TBX15: variants seen among roughly 807,000 people sequenced by gnomAD.
The protein encoded by TBX15 is T-box transcription factor TBX15.
In TBX15, 18 loss-of-function variants were observed where a neutral mutation model predicts 53.9. The observed-to-expected ratio is 0.33, with a 90% CI of 0.23 to 0.49. The LOEUF (loss-of-function observed/expected upper bound fraction) is 0.49, where lower values mean the gene tolerates loss of function less well. Among genes scored for constraint, TBX15 ranks in the 20% least tolerant of loss-of-function variants. The pLI is 0.98. For synonymous variants in TBX15, 295 were observed against 278.0 expected, an observed-to-expected ratio of 1.06 and a Z score of -0.61; for missense variants, 692 against 749.5, an observed-to-expected ratio of 0.92 and a Z score of 0.90.
chr1:118,971,830 G>A (rs1222015221), intron 1 of TBX15, among the ~76,000 whole-genome samples: 1 of 152,140 alleles, frequency 6.6e-6, no homozygotes, highest in Non-Finnish European at 1.5e-5. Context: ...CAATCTAATA[G>A]GGCAAAAGGA....
rs566437980 is a variant in TBX15, at chr1:118,921,595, G to A, written c.861+1841C>T. The stretch of plus-strand genomic sequence containing the variant: ...TTGCTCAGAGCAACATGTGTAACTC[G>A]TAGAAAATTTAAGACTAAAACCCAG... On this transcript the variant is annotated intron_variant, in intron 5 of 7. Transcript: ENST00000369429. 7.9e-5 allele frequency among the ~76,000 whole-genome samples: 12 copies of A among 152,296 alleles called. No individual in the cohort carries two copies. The South Asian group carries it at 8.3e-4, about 11-fold the overall frequency.
chr1:118,900,622 G>A (rs1173042698), intron 6 of TBX15, among the ~76,000 whole-genome samples: 2 of 152,168 alleles, frequency 1.3e-5, no homozygotes, highest in Non-Finnish European at 2.9e-5. Flanking sequence ...GTGTTACATG[G>A]TGTTTATTAG....
At chr1:118,966,533 C>T (rs1016898882) in intron 1 of TBX15, among the ~76,000 whole-genome samples, 1 of 152,220 alleles carries the variant, frequency 6.6e-6, no homozygotes, top group East Asian at 1.9e-4. Flanking sequence ...AAATGGTATT[C>T]GGCCTGCCTC....
At chr1:118,959,203 C>T (rs1656787344) in intron 1 of TBX15, among the ~76,000 whole-genome samples, 2 of 152,150 alleles carry the variant, frequency 1.3e-5, no homozygotes, top group South Asian at 4.1e-4. Flanking sequence ...GTGCTAGATA[C>T]CTCCCACATT....
intron 7 of TBX15, among the ~76,000 whole-genome samples, chr1:118,886,301 A>G (rs1433845047): frequency 6.6e-6 from 1 of 152,208 alleles, no homozygotes; most frequent in Non-Finnish European, 1.5e-5. Flanking sequence ...TTTAATATTT[A>G]TCAGAACAAG....
At chr1:118,892,970 T>A (rs781296025) in intron 7 of TBX15, among the ~76,000 whole-genome samples, 2 of 152,064 alleles carry the variant, frequency 1.3e-5, no homozygotes, top group Admixed American at 6.6e-5. Context: ...TGGTGACTCA[T>A]GCCTGTAATC....
At chr1:118,981,445 T>G (rs934077430) in intron 1 of TBX15, among the ~76,000 whole-genome samples, 11 of 152,238 alleles carry the variant, frequency 7.2e-5, no homozygotes, top group Admixed American at 7.2e-4. Context: ...CATAAGTTTG[T>G]GTATAAGCAC....
chr1:118,920,011 A>G (rs1655369338), intron 5 of TBX15, among the ~76,000 whole-genome samples: 2 of 152,226 alleles, frequency 1.3e-5, no homozygotes, highest in South Asian at 4.1e-4. Context: ...TTCTCCATAG[A>G]CTAGTACTGA....
chr1:118,961,490 A>T (rs1487773345), intron 1 of TBX15, among the ~76,000 whole-genome samples: 1 of 152,190 alleles, frequency 6.6e-6, no homozygotes, highest in Non-Finnish European at 1.5e-5. Context: ...GGGAAGGGAG[A>T]TGTCAGAAGA....
At chr1:118,966,216 T>G (rs1490508378) in intron 1 of TBX15, among the ~76,000 whole-genome samples, 1 of 152,230 alleles carries the variant, frequency 6.6e-6, no homozygotes, top group Non-Finnish European at 1.5e-5. Context: ...ACCAATCTTG[T>G]GACTTTGAGG....
intron 1 of TBX15, among the ~76,000 whole-genome samples, chr1:118,946,330 A>T (rs1656346641): frequency 6.6e-6 from 1 of 152,156 alleles, no homozygotes; most frequent in South Asian, 2.1e-4. Flanking sequence ...GTCAATGGAC[A>T]AGCTTTGGAG....
At chr1:118,893,432 GGAAGGAAGGAAGGAAA>G (rs1202997697) in intron 7 of TBX15, among the ~76,000 whole-genome samples, 3 of 131,156 alleles carry the variant, frequency 2.3e-5, no homozygotes, top group Non-Finnish European at 3.2e-5. Context: ...AAAGATGGAA[GGAAGGAAGGAAGGAAA>G]GAAGGAAGGA....
At chr1:118,946,351 C>T (rs998633632) in intron 1 of TBX15, among the ~76,000 whole-genome samples, 2 of 152,074 alleles carry the variant, frequency 1.3e-5, no homozygotes, top group Admixed American at 6.6e-5. Context: ...GTTTACAAGT[C>T]ACCTAAAATG....
intron 6 of TBX15, among the ~76,000 whole-genome samples, chr1:118,912,624 G>T (rs1432861702): frequency 6.6e-6 from 1 of 151,840 alleles, no homozygotes; most frequent in Non-Finnish European, 1.5e-5. Flanking sequence ...CAGAACCTTG[G>T]AAAAAAAGGC....
In TBX15 at chr1:118,885,206, G is replaced by A; in HGVS notation, c.1335C>T (p.Ser445=). Residue 445 remains serine, a synonymous_variant, in exon 8 of 8, where the codon TCC becomes TCT. Transcript: ENST00000369429. ...SETFMPQRTP[S]LISGIPTPPS... is the part of the protein sequence containing the mutation. The stretch of plus-strand genomic sequence containing the variant: ...GAGGAGTTGGTATTCCTGAGATCAG[G>A]GATGGAGTCCTCTGAGGCATGAAGG... The A allele has an allele frequency of 6.2e-7, 1 of 1,614,186 alleles. No individual in the cohort carries two copies. The highest frequency in any genetic ancestry group is 8.5e-7 in the Non-Finnish European group (1 of 1,180,030).
intron 5 of TBX15, among the ~76,000 whole-genome samples, chr1:118,916,771 C>T (rs544435683): frequency 1.2e-4 from 18 of 151,756 alleles, no homozygotes; most frequent in Admixed American, 4.6e-4. Context: ...GAGGCTGAGG[C>T]GAGAGAATTG....
intron 1 of TBX15, among the ~76,000 whole-genome samples, chr1:118,975,447 T>C (rs1021662431): frequency 6.6e-6 from 1 of 152,206 alleles, no homozygotes; most frequent in Non-Finnish European, 1.5e-5. Flanking sequence ...AACATAAATT[T>C]CCACCTACAA....
chr1:118,980,779 T>C (rs187608706), intron 1 of TBX15, among the ~76,000 whole-genome samples: 223 of 152,264 alleles, frequency 1.5e-3, no homozygotes, highest in Non-Finnish European at 2.4e-3. Flanking sequence ...CTCCTCCTGT[T>C]CTTTTAAATA....
At chr1:118,890,628 A>C (rs543552744) in intron 7 of TBX15, among the ~76,000 whole-genome samples, 1 of 152,344 alleles carries the variant, frequency 6.6e-6, no homozygotes, top group African/African-American at 2.4e-5. Context: ...AATAACCTAG[A>C]ATATACTTGT....
Sources: allele counts gnomAD v4.1 joint callset (sites outside exome capture counted in the v4.1 genomes callset), GRCh38; gene constraint gnomAD v4.1.1; transcripts MANE v1.5; gene names NCBI Gene and HGNC (gene_info 2026-07-23, HGNC 2026-07-21).